FBXO45: variants seen among roughly 807,000 people sequenced by gnomAD.
FBXO45 encodes F-box protein 45.
Under a neutral mutation model 25.5 loss-of-function variants are expected in FBXO45, and 3 were observed. The ratio of observed to expected loss-of-function variants is 0.12; its 90% CI spans 0.05 to 0.30. The LOEUF (loss-of-function observed/expected upper bound fraction) is 0.30, where lower values mean the gene tolerates loss of function less well. Ranked by LOEUF, FBXO45 falls within the 10% of genes least tolerant of loss-of-function variation. The probability of loss-of-function intolerance (pLI) is 1.00; values close to 1 mark genes in which losing one functional copy is unlikely to be tolerated. For synonymous variants in FBXO45, 155 were observed against 149.8 expected (o/e 1.03, Z -0.25); for missense variants, 219 against 365.0 (o/e 0.60, Z 3.26).
rs775555553 is a variant in FBXO45, at chr3:196,578,046, C to CT, written c.675+250dup. ...GATTTTGGCTATGCAGAAAAATATTCTTTTTTTTTTTTTAGACAGAATCTC... is the reference window on the plus strand; with the variant it reads ...GATTTTGGCTATGCAGAAAAATATTCTTTTTTTTTTTTTTAGACAGAATCTC... On this transcript the variant is annotated intron_variant, in intron 2 of 2. Coordinates refer to ENST00000311630, the MANE Select transcript of FBXO45 (RefSeq NM_001105573.2). 3.0e-4 allele frequency among the ~76,000 whole-genome samples: 28 copies of CT among 94,050 alleles called. 4 individuals carry two copies. The highest frequency in any genetic ancestry group is 3.2e-4 in the African/African-American group (7 of 21,582). 61.7% of individuals were successfully genotyped at this position (94,050 alleles called of 152,430 possible). A position where few individuals can be genotyped will look rare whatever the true frequency, so the allele number is the denominator to read the frequency against.
At chr3:196,572,532 A>T (rs1025463016) in intron 1 of FBXO45, among the ~76,000 whole-genome samples, 3 of 152,158 alleles carry the variant, frequency 2.0e-5, no homozygotes, top group Admixed American at 2.0e-4. Context: ...AGTGTGAGGG[A>T]TGGAAAATAT....
chr3:196,575,180 G>T (rs1405985923), intron 1 of FBXO45, among the ~76,000 whole-genome samples: 1 of 152,218 alleles, frequency 6.6e-6, no homozygotes, highest in Non-Finnish European at 1.5e-5. Context: ...AGAGGGCCGG[G>T]CGTGGTGGCT....
chr3:196,581,686 T>G (rs1308984094), intron 2 of FBXO45, among the ~76,000 whole-genome samples: 1 of 152,228 alleles, frequency 6.6e-6, no homozygotes, highest in East Asian at 1.9e-4. Flanking sequence ...CAGCTTCTGT[T>G]GATTGCTTTT....
intron 2 of FBXO45, among the ~76,000 whole-genome samples, chr3:196,582,739 A>G (rs553963189): frequency 2.0e-5 from 3 of 152,106 alleles, no homozygotes; most frequent in African/African-American, 7.2e-5. Flanking sequence ...AGAGTTGTGA[A>G]CCACAAATTG....
At chr3:196,580,282 C>T (rs546495573) in intron 2 of FBXO45, among the ~76,000 whole-genome samples, 18 of 151,946 alleles carry the variant, frequency 1.2e-4, no homozygotes, top group Middle Eastern at 3.4e-3. Context: ...CTCAGCTCAC[C>T]GCAACCTCTG....
chr3:196,568,974 C>T lies in FBXO45; in HGVS notation c.-11C>T, dbSNP rs1735711223. 1 of 990,414 alleles carries T rather than the reference C, an allele frequency of 1.0e-6. No individual in the cohort carries two copies. 61.4% of individuals were successfully genotyped at this position (990,414 alleles called of 1,614,324 possible). A position where few individuals can be genotyped will look rare whatever the true frequency, so the allele number is the denominator to read the frequency against. The stretch of plus-strand genomic sequence containing the variant: ...GCGGCAGCGGCGGCCCTAGGGCCGG[C>T]TGGTGAGGCGATGGCGGCGCCGGCC... On this transcript the variant is annotated 5_prime_UTR_variant, in exon 1 of 3. Transcript: ENST00000311630.
At chr3:196,582,634 GCTTA>G (rs771424135) in intron 2 of FBXO45, among the ~76,000 whole-genome samples, 144 of 122,858 alleles carry the variant, frequency 1.2e-3, no homozygotes, top group Admixed American at 2.0e-3. Context: ...TTTTTTTTTT[GCTTA>G]CTTTTCCAAA....
At chr3:196,573,301 A>G (rs1735859182) in intron 1 of FBXO45, among the ~76,000 whole-genome samples, 1 of 152,162 alleles carries the variant, frequency 6.6e-6, no homozygotes, top group Admixed American at 6.5e-5. Flanking sequence ...GATTGAATGA[A>G]AGGAAGTAGT....
intron 1 of FBXO45, among the ~76,000 whole-genome samples, chr3:196,575,626 T>C (rs1018703949): frequency 1.3e-5 from 2 of 151,968 alleles, no homozygotes; most frequent in Non-Finnish European, 2.9e-5. Context: ...TATTTGCTAT[T>C]TTGGGGACAT....
At chr3:196,581,800 G>C (rs1736016515) in intron 2 of FBXO45, among the ~76,000 whole-genome samples, 2 of 151,686 alleles carry the variant, frequency 1.3e-5, no homozygotes, top group South Asian at 4.2e-4. Context: ...ACTCCTGAAT[G>C]TTTTGTTTCT....
intron 1 of FBXO45, among the ~76,000 whole-genome samples, chr3:196,571,464 G>A (rs1016479047): frequency 3.3e-5 from 5 of 151,712 alleles, no homozygotes; most frequent in African/African-American, 9.7e-5. Flanking sequence ...GGACTCAAGC[G>A]ATCTTCTTGC....
At chr3:196,578,015 T>A (rs1735945142) in intron 2 of FBXO45, among the ~76,000 whole-genome samples, 1 of 149,880 alleles carries the variant, frequency 6.7e-6, no homozygotes, top group South Asian at 2.1e-4. Context: ...TTGGGTGTTA[T>A]ATTTTGATTT....
In FBXO45 at chr3:196,574,819, T is replaced by A. The variant is rs369001236; in HGVS notation, c.319-2634T>A. Among the ~76,000 whole-genome samples the A allele has an allele frequency of 8.4e-4, 128 of 152,238 alleles. 1 individual carries two copies. Among genetic ancestry groups the A allele is most frequent in the African/African-American group, 3.0e-3 (126 of 41,526 alleles). On this transcript the variant is annotated intron_variant, in intron 1 of 2. Coordinates refer to ENST00000311630, the MANE Select transcript of FBXO45 (RefSeq NM_001105573.2). ...AAGAATAGCTTAATAGAGGTGATCT[T>A]AGAGAATGTGTGGGAGAAGAAAGCA...
intron 1 of FBXO45, among the ~76,000 whole-genome samples, chr3:196,571,332 TC>T (rs1208066261): frequency 1.3e-5 from 2 of 152,166 alleles, no homozygotes; most frequent in African/African-American, 4.8e-5. Flanking sequence ...GCTCAAGGGA[TC>T]CTCCTTAGCT....
chr3:196,576,168 G>A lies in FBXO45; in HGVS notation c.319-1285G>A, dbSNP rs569754731. On this transcript the variant is annotated intron_variant, in intron 1 of 2. Transcript: ENST00000311630. ...GGTAGAGTGCCAGCGAATGGTAAAC[G>A]AACAGGTGGTGAGGGGACTGGATCC... Among the ~76,000 whole-genome samples, 42 of 152,278 alleles carry A rather than the reference G, an allele frequency of 2.8e-4. 1 individual carries two copies. The South Asian group carries it at 7.1e-3, about 26-fold the overall frequency.
Position 196,577,786 on chromosome 3 carries a change from T to C in FBXO45, c.652T>C (p.Cys218Arg). The C allele has an allele frequency of 6.3e-7, 1 of 1,587,812 alleles. No homozygotes were observed. The highest frequency in any genetic ancestry group is 1.1e-5 in the South Asian group (1 of 89,572). The change falls in exon 2 of 3, where the codon TGC becomes CGC. Residue 218 changes from cysteine to arginine, a missense_variant. Cys to Arg is a radical substitution (Grantham distance 180, BLOSUM62 -3). Coordinates refer to ENST00000311630, the MANE Select transcript of FBXO45 (RefSeq NM_001105573.2). ...AGAAGTCAATGGCAGTTTTCCACAG[T>C]GCAACAACGCACCAAAATATCAGGT... Reference protein sequence around the residue: ...NGEVNGSFPQCNNAPKYQIGE... With the variant: ...NGEVNGSFPQRNNAPKYQIGE...
intron 1 of FBXO45, among the ~76,000 whole-genome samples, chr3:196,572,515 C>A (rs1441177593): frequency 1.3e-4 from 19 of 151,980 alleles, no homozygotes. Context: ...CAGGAGGGAA[C>A]CTTATGAGTG....
In FBXO45 at chr3:196,587,351, C is replaced by T. The variant is rs145304112; in HGVS notation, c.*3033C>T. 46 of 152,260 alleles carry T rather than the reference C, an allele frequency of 3.0e-4. No homozygotes were observed. Among genetic ancestry groups the T allele is most frequent in the African/African-American group, 9.1e-4 (38 of 41,546 alleles). 9.4% of individuals were successfully genotyped at this position (152,260 alleles called of 1,614,324 possible). ...TCATTATTTGACTTAAATGTTAAGC[C>T]ATTTATTTCATCTCCCTCATTCACA... On this transcript the variant is annotated 3_prime_UTR_variant, in exon 3 of 3. Coordinates refer to ENST00000311630, the MANE Select transcript of FBXO45 (RefSeq NM_001105573.2).
intron 2 of FBXO45, among the ~76,000 whole-genome samples, chr3:196,582,054 T>C (rs1736019716): frequency 6.6e-6 from 1 of 152,200 alleles, no homozygotes; most frequent in Non-Finnish European, 1.5e-5. Context: ...TGTGGTTCTG[T>C]TGCTTCTGGA....
Sources: gnomAD v4.1 joint callset for allele counts (sites outside exome capture counted in the v4.1 genomes callset) on GRCh38, gnomAD v4.1.1 for gene constraint, MANE v1.5 for transcripts, NCBI Gene and HGNC (gene_info 2026-07-23, HGNC 2026-07-21) for gene names.